Variants in PPP1R21 observed in about 807,000 individuals in gnomAD.
PPP1R21 encodes the protein KLRAQ motif containing 1.
PPP1R21 carries 85 observed loss-of-function variants against 112.8 expected under a neutral mutation model. The ratio of observed to expected loss-of-function variants is 0.75; its 90% CI spans 0.63 to 0.90. PPP1R21 has a LOEUF of 0.90. Ranked by LOEUF, PPP1R21 falls within the 40% of genes least tolerant of loss-of-function variation. PPP1R21 has a pLI of 0.00. For synonymous variants in PPP1R21, 381 were observed against 322.3 expected (o/e 1.18, Z -1.95); for missense variants, 1,199 against 901.5 (o/e 1.33, Z -4.23).
intron 2 of PPP1R21, among the ~76,000 whole-genome samples, chr2:48,453,219 G>T (rs1302567330): frequency 6.6e-6 from 1 of 152,198 alleles, no homozygotes; most frequent in African/African-American, 2.4e-5. Flanking sequence ...CTCCCAAAGT[G>T]CTGGGATTAT....
At chr2:48,463,149 A>T (rs1668049332) in intron 7 of PPP1R21, among the ~76,000 whole-genome samples, 2 of 152,228 alleles carry the variant, frequency 1.3e-5, no homozygotes, top group South Asian at 4.1e-4. Context: ...AGAGAAACTG[A>T]TGTCAACACT....
Position 48,491,105 on chromosome 2 carries a change from C to G in PPP1R21, c.1534C>G (p.Leu512Val), listed in dbSNP as rs1171127722. The stretch of plus-strand genomic sequence containing the variant: ...GGCAGCGAGTGGATTCATTAGTCCT[C>G]TTTCAGCTGAATGCATGCTACAGTA... ...PKAASGFISP[L>V]SAECMLQYKK... is the part of the protein sequence containing the mutation. The change falls in exon 15 of 22, where the codon CTT (leucine) becomes GTT (valine). Residue 512 changes from leucine (L) to valine (V), a missense_variant. Transcript: ENST00000294952. 1 of 1,614,182 alleles carries G rather than the reference C, an allele frequency of 6.2e-7. No individual in the cohort carries two copies.
rs950233454 is a variant in PPP1R21 at position 48,502,839 on chromosome 2, C to G, written c.1936-2725C>G. On this transcript the variant is annotated intron_variant, in intron 17 of 21. Coordinates refer to ENST00000294952, the MANE Select transcript of PPP1R21 (RefSeq NM_001135629.3). ...GGGACTACAGGCGCCTGCCACCATG[C>G]CCGGCTAATTTTTTGTATTTTTAGT... 2.6e-5 allele frequency among the ~76,000 whole-genome samples: 4 copies of G among 151,990 alleles called. No homozygotes were observed. The East Asian group carries it at 7.7e-4, about 29-fold the overall frequency.
intron 9 of PPP1R21, among the ~76,000 whole-genome samples, chr2:48,470,746 G>A (rs1425449106): frequency 1.3e-5 from 2 of 152,090 alleles, no homozygotes; most frequent in African/African-American, 4.8e-5. Context: ...GGTGTTCAGG[G>A]AGGCTGACCT....
chr2:48,506,694 C>T (rs892756926), intron 18 of PPP1R21, among the ~76,000 whole-genome samples: 2 of 151,920 alleles, frequency 1.3e-5, no homozygotes, highest in African/African-American at 4.8e-5. Context: ...GCCTGTAATC[C>T]CAGCACTTTG....
chr2:48,479,495 G>C (rs1274157968), intron 12 of PPP1R21: 1 of 474,168 alleles, frequency 2.1e-6, no homozygotes, highest in East Asian at 6.9e-5. Flanking sequence ...TTTGCAGAGG[G>C]CAAGCAGGTC....
rs1028160886 is a variant in PPP1R21 at position 48,461,248 on chromosome 2, A to G, written c.694+16A>G. ...AATGATACAAGTAGGTATTATGTAC[A>G]GTTTTCCATTATTTGTAACTTTGAA... On this transcript the variant is annotated intron_variant, in intron 7 of 21. Coordinates refer to ENST00000294952, the MANE Select transcript of PPP1R21 (RefSeq NM_001135629.3). 2.6e-6 allele frequency: 4 copies of G among 1,517,862 alleles called. No individual in the cohort carries two copies. Among genetic ancestry groups the G allele is most frequent in the Non-Finnish European group, 3.5e-6 (4 of 1,140,740 alleles). The allele number at this position is 1,517,862 out of a possible 1,614,324, so 94.0% of individuals were successfully genotyped here. A position where few individuals can be genotyped will look rare whatever the true frequency, so the allele number is the denominator to read the frequency against.
intron 14 of PPP1R21, among the ~76,000 whole-genome samples, chr2:48,489,999 C>G (rs1256356406): frequency 1.3e-5 from 2 of 151,902 alleles, no homozygotes; most frequent in African/African-American, 2.4e-5. Flanking sequence ...GAGCCGAGAT[C>G]GTGCCACCGC....
At chr2:48,498,453 G>T (rs746824294) in intron 16 of PPP1R21, 40 bp from the exon 17 acceptor site, 2 of 1,608,678 alleles carry the variant, frequency 1.2e-6, no homozygotes, top group East Asian at 2.2e-5. Context: ...AGGTTTATCT[G>T]TATTAGTCTC....
At chr2:48,496,284 A>T (rs928060037) in intron 16 of PPP1R21, among the ~76,000 whole-genome samples, 1 of 152,110 alleles carries the variant, frequency 6.6e-6, no homozygotes, top group Non-Finnish European at 1.5e-5. Flanking sequence ...TGTTACAGTA[A>T]ATGGAATCTC....
chr2:48,453,143 G>T (rs970271086), intron 2 of PPP1R21, among the ~76,000 whole-genome samples: 1 of 151,928 alleles, frequency 6.6e-6, no homozygotes, highest in Non-Finnish European at 1.5e-5. Context: ...TAGTAGAGTC[G>T]GAGTTTTGTC....
At chr2:48,510,215 G>A (rs1670575817) in intron 20 of PPP1R21, 102 bp downstream of exon 20, 1 of 743,726 alleles carries the variant, frequency 1.3e-6, no homozygotes, top group Non-Finnish European at 2.1e-6. Context: ...CTCTAGATAT[G>A]CTTTTTAAGA....
chr2:48,446,285 C>T (rs570484167), intron 1 of PPP1R21, among the ~76,000 whole-genome samples: 1 of 152,138 alleles, frequency 6.6e-6, no homozygotes, highest in East Asian at 1.9e-4. Flanking sequence ...CACATATTGT[C>T]AGAGTGGCAT....
Position 48,494,219 on chromosome 2 carries a change from G to A in PPP1R21, c.1600-1460G>A, listed in dbSNP as rs965878387. On this transcript the variant is annotated intron_variant, in intron 15 of 21. Coordinates refer to ENST00000294952, the MANE Select transcript of PPP1R21 (RefSeq NM_001135629.3). ...ACGCTACTGCACTCCAGCCCAGGGCGACAAAGTGAGACCTTGTCTCAAAAA... is the reference window on the plus strand; with the variant it reads ...ACGCTACTGCACTCCAGCCCAGGGCAACAAAGTGAGACCTTGTCTCAAAAA... Among the ~76,000 whole-genome samples the A allele has an allele frequency of 2.2e-3, 234 of 108,074 alleles. 5 individuals are homozygous for A. Among genetic ancestry groups the A allele is most frequent in the Non-Finnish European group, 1.6e-3 (97 of 59,660 alleles). 70.9% of individuals were successfully genotyped at this position (108,074 alleles called of 152,430 possible).
chr2:48,498,427 A>G, intron 16 of PPP1R21, 66 bp from the exon 17 acceptor site: 1 of 1,544,632 alleles, frequency 6.5e-7, no homozygotes, highest in Non-Finnish European at 8.9e-7. Flanking sequence ...TCTGTAAGAT[A>G]GTTTTTGGGC....
In PPP1R21 at chr2:48,444,876, T is replaced by G. The variant is rs576188784; in HGVS notation, c.57+3866T>G. ...TTTTAAAGTTCTTTTTTTTTTTTTT[T>G]GGGACAGTGGATGCCAGCAGGAAAG... On this transcript the variant is annotated intron_variant, in intron 1 of 21. Coordinates refer to ENST00000294952, the MANE Select transcript of PPP1R21 (RefSeq NM_001135629.3). Among the ~76,000 whole-genome samples the G allele has an allele frequency of 3.6e-4, 55 of 151,754 alleles. 1 individual carries two copies. The highest frequency in any genetic ancestry group is 2.5e-3 in the East Asian group (13 of 5,174).
intron 9 of PPP1R21, among the ~76,000 whole-genome samples, chr2:48,468,248 G>C (rs1193326396): frequency 6.6e-6 from 1 of 152,164 alleles, no homozygotes; most frequent in African/African-American, 2.4e-5. Flanking sequence ...AACAGTGCGT[G>C]GCATGTAATA....
chr2:48,463,315 C>G (rs977862800), intron 7 of PPP1R21, among the ~76,000 whole-genome samples: 2 of 152,120 alleles, frequency 1.3e-5, no homozygotes, highest in African/African-American at 4.8e-5. Context: ...GAGTTTCAAC[C>G]TGATGGTGCA....
intron 7 of PPP1R21, among the ~76,000 whole-genome samples, chr2:48,462,301 G>T (rs183320838): frequency 6.6e-6 from 1 of 152,274 alleles, no homozygotes; most frequent in African/African-American, 2.4e-5. Context: ...GCAAAAATTG[G>T]TAAGTCAAAA....
Sources: gnomAD v4.1 joint callset for allele counts (sites outside exome capture counted in the v4.1 genomes callset) on GRCh38, gnomAD v4.1.1 for gene constraint, MANE v1.5 for transcripts, NCBI Gene and HGNC (gene_info 2026-07-23, HGNC 2026-07-21) for gene names.